RASSF10: variants seen among roughly 807,000 people sequenced by gnomAD.
RASSF10 encodes the protein ras association domain-containing protein 10.
RASSF10 carries 22 observed loss-of-function variants against 41.5 expected under a neutral mutation model. That is an observed-to-expected ratio of 0.53 (90% CI 0.38 to 0.76). The LOEUF (loss-of-function observed/expected upper bound fraction) is 0.76. Among genes scored for constraint, RASSF10 ranks in the 30% least tolerant of loss-of-function variants. The probability of loss-of-function intolerance (pLI) is 0.00; values close to 1 mark genes in which losing one functional copy is unlikely to be tolerated. For missense variants in RASSF10, 776 were observed against 711.8 expected, an observed-to-expected ratio of 1.09 and a Z score of -1.03; for synonymous variants, 364 against 319.0, an observed-to-expected ratio of 1.14 and a Z score of -1.50.
Position 13,011,050 on chromosome 11 carries a change from A to C in RASSF10, c.1474A>C (p.Met492Leu). Residue 492 changes from methionine to leucine, a missense_variant, in exon 1 of 1, where the codon ATG (methionine) becomes CTG (leucine). Transcript: ENST00000529419. ...DEDSDTGLSS[M>L]HSQDSDSLPM... The stretch of plus-strand genomic sequence containing the variant: ...AGACTCGGATACGGGACTGAGCTCT[A>C]TGCATAGCCAAGACTCGGACTCCTT... 6.3e-7 allele frequency: 1 copy of C among 1,578,678 alleles called. No homozygotes were observed. The highest frequency in any genetic ancestry group is 8.6e-7 in the Non-Finnish European group (1 of 1,163,214).
At position 13,010,267 on chromosome 11, in the gene RASSF10, C is replaced by CT; in HGVS notation, c.692dup (p.Val232GlyfsTer263). ...GGAGCGCATGGAGACGCTGGTGCAT[C>CT]TGGTGCTTTCCCAGGACCACACAAT... On this transcript the variant is annotated frameshift_variant, in exon 1 of 1. Coordinates refer to ENST00000529419, the MANE Select transcript of RASSF10 (RefSeq NM_001080521.3). LOFTEE classifies it high-confidence loss of function. The surrounding 1 kb of genome is among the most constrained non-coding windows in gnomAD (Gnocchi z 4.8). 1 of 1,565,222 alleles carries CT rather than the reference C, an allele frequency of 6.4e-7. No homozygotes were observed. The highest frequency in any genetic ancestry group is 1.4e-5 in the African/African-American group (1 of 73,654).
At position 13,011,385 on chromosome 11, in the gene RASSF10, G is replaced by C. The variant is rs971213433; in HGVS notation, c.*285G>C. On this transcript the variant is annotated 3_prime_UTR_variant, in exon 1 of 1. Coordinates refer to ENST00000529419, the MANE Select transcript of RASSF10 (RefSeq NM_001080521.3). ...GGAAAACAAACAACCCAAGGAAATT[G>C]ACGTGGTCCGAGCCCATTTTCAAAG... 17 of 345,572 alleles carry C rather than the reference G, an allele frequency of 4.9e-5. No homozygotes were observed. The highest frequency in any genetic ancestry group is 8.4e-5 in the Non-Finnish European group (16 of 189,548). The allele number at this position is 345,572 out of a possible 1,614,324, so 21.4% of individuals were successfully genotyped here. A position where few individuals can be genotyped will look rare whatever the true frequency, so the allele number is the denominator to read the frequency against.
At position 13,010,066 on chromosome 11, in the gene RASSF10, C is replaced by A. The variant is rs1258462119; in HGVS notation, c.490C>A (p.Pro164Thr). Residue 164 changes from proline (P) to threonine (T), a missense_variant, in exon 1 of 1, where the codon CCC (proline) becomes ACC (threonine). Coordinates refer to ENST00000529419, the MANE Select transcript of RASSF10 (RefSeq NM_001080521.3). The surrounding 1 kb of genome is among the most constrained non-coding windows in gnomAD (Gnocchi z 4.8). ...TCCGGCCCGCGGGGCCCCGGCGCGG[C>A]CCAGCCTGGCCATGACCCAGGAGAA... ...PCPARGAPARPSLAMTQEKQR... is the reference protein window; with the variant it reads ...PCPARGAPARTSLAMTQEKQR... The A allele has an allele frequency of 2.6e-6, 4 of 1,547,760 alleles. No individual in the cohort carries two copies. In the Admixed American group the frequency reaches 7.9e-5, roughly 30 times the overall value.
Position 13,011,402 on chromosome 11 carries a change from T to A in RASSF10, c.*302T>A. The A allele has an allele frequency of 3.3e-6, 1 of 299,708 alleles. No individual in the cohort carries two copies. The highest frequency in any genetic ancestry group is 6.2e-6 in the Non-Finnish European group (1 of 160,046). 18.6% of individuals were successfully genotyped at this position (299,708 alleles called of 1,614,324 possible). Reference sequence around the variant, plus strand: ...AGGAAATTGACGTGGTCCGAGCCCATTTTCAAAGTAAGGAAGTATAATGGA... The same window carrying A: ...AGGAAATTGACGTGGTCCGAGCCCAATTTCAAAGTAAGGAAGTATAATGGA... On this transcript the variant is annotated 3_prime_UTR_variant, in exon 1 of 1. Transcript: ENST00000529419.
In RASSF10 at chr11:13,009,464, G is replaced by A; in HGVS notation, c.-113G>A. 1 of 1,508,912 alleles carries A rather than the reference G, an allele frequency of 6.6e-7. No individual in the cohort carries two copies. The highest frequency in any genetic ancestry group is 8.8e-7 in the Non-Finnish European group (1 of 1,132,236). 93.5% of individuals were successfully genotyped at this position (1,508,912 alleles called of 1,614,324 possible). ...GCGGGGGAACAGGGCTAGTGCAGCC[G>A]CCGGAGGGGGGCACGGGCTCCTCTC... On this transcript the variant is annotated 5_prime_UTR_variant, in exon 1 of 1. Coordinates refer to ENST00000529419, the MANE Select transcript of RASSF10 (RefSeq NM_001080521.3).
rs1949555745 is a variant in RASSF10 at position 13,009,532 on chromosome 11, C to T, written c.-45C>T. On this transcript the variant is annotated 5_prime_UTR_variant, in exon 1 of 1. Coordinates refer to ENST00000529419, the MANE Select transcript of RASSF10 (RefSeq NM_001080521.3). ...GGCTGCCCTTGCTGTCCTCGCCGCC[C>T]CAGCAGACCCCGGCCGGACCTGCCA... The T allele has an allele frequency of 1.3e-6, 2 of 1,583,952 alleles. No homozygotes were observed. The highest frequency in any genetic ancestry group is 2.7e-5 in the African/African-American group (2 of 74,258).
Position 13,010,406 on chromosome 11 carries a change from A to G in RASSF10, c.830A>G (p.Tyr277Cys). Reference sequence around the variant, plus strand: ...GGGGTCAACTACGTGCAGGACACTTACTTGGTTGGGGCAGGCATCGAGCTC... The same window carrying G: ...GGGGTCAACTACGTGCAGGACACTTGCTTGGTTGGGGCAGGCATCGAGCTC... ...RHGVNYVQDT[Y>C]LVGAGIELDG... The change falls in exon 1 of 1, where the codon TAC becomes TGC. Residue 277 changes from tyrosine (Y) to cysteine (C), a missense_variant. Transcript: ENST00000529419. This position sits in a 1 kb window ranked among gnomAD's most constrained non-coding sequence, Gnocchi z 4.8. The G allele has an allele frequency of 6.5e-7, 1 of 1,549,512 alleles. No individual in the cohort carries two copies. Among genetic ancestry groups the G allele is most frequent in the Non-Finnish European group, 8.7e-7 (1 of 1,145,666 alleles).
At position 13,010,500 on chromosome 11, in the gene RASSF10, C is replaced by T. The variant is rs1949569299; in HGVS notation, c.924C>T (p.Pro308=). 1 of 1,511,034 alleles carries T rather than the reference C, an allele frequency of 6.6e-7. No individual in the cohort carries two copies. Among genetic ancestry groups the T allele is most frequent in the Admixed American group, 2.2e-5 (1 of 44,730 alleles). The allele number at this position is 1,511,034 out of a possible 1,614,324, so 93.6% of individuals were successfully genotyped here. ...AAEAEEAAAA[P]PLAGEAQAAA... is the part of the protein sequence containing the mutation. ...AGGCGGAGGAGGCGGCGGCGGCGCC[C>T]CCTCTAGCCGGCGAGGCGCAGGCGG... Residue 308 remains proline, a synonymous_variant, in exon 1 of 1, where the codon CCC becomes CCT. Coordinates refer to ENST00000529419, the MANE Select transcript of RASSF10 (RefSeq NM_001080521.3). The surrounding 1 kb of genome is among the most constrained non-coding windows in gnomAD (Gnocchi z 4.8).
In RASSF10 at chr11:13,010,416, G is replaced by A. The variant is rs1440275107; in HGVS notation, c.840G>A (p.Gly280=). 8 of 1,547,812 alleles carry A rather than the reference G, an allele frequency of 5.2e-6. No individual in the cohort carries two copies. The highest frequency in any genetic ancestry group is 7.0e-6 in the Non-Finnish European group (8 of 1,144,352). ...ACGTGCAGGACACTTACTTGGTTGG[G>A]GCAGGCATCGAGCTCGACGGGTCCA... ...VNYVQDTYLV[G]AGIELDGSRP... is the part of the protein sequence containing the mutation. Residue 280 remains glycine (G), a synonymous_variant, in exon 1 of 1, where the codon GGG becomes GGA. Transcript: ENST00000529419. This position sits in a 1 kb window ranked among gnomAD's most constrained non-coding sequence, Gnocchi z 4.8.
At position 13,010,621 on chromosome 11, in the gene RASSF10, G is replaced by T; in HGVS notation, c.1045G>T (p.Glu349Ter). Residue 349 changes from glutamate to a stop codon, truncating the protein, a stop_gained, in exon 1 of 1, where the codon GAG (glutamate) becomes TAG (stop). Transcript: ENST00000529419. LOFTEE classifies it high-confidence loss of function. This position sits in a 1 kb window ranked among gnomAD's most constrained non-coding sequence, Gnocchi z 4.8. ...GGAGTTGCTGGAGCGCCTTTCAGCCGAGATTCAGGAGGAACTCAACCAGAG... is the reference window on the plus strand; with the variant it reads ...GGAGTTGCTGGAGCGCCTTTCAGCCTAGATTCAGGAGGAACTCAACCAGAG... Reference protein sequence around the residue: ...QEELLERLSAEIQEELNQRWM... With the variant: ...QEELLERLSA 6.3e-7 allele frequency: 1 copy of T among 1,588,962 alleles called. No homozygotes were observed. The highest frequency in any genetic ancestry group is 8.6e-7 in the Non-Finnish European group (1 of 1,168,558).
In RASSF10 at chr11:13,009,777, C is replaced by G. The variant is rs1179594707; in HGVS notation, c.201C>G (p.Pro67=). Residue 67 remains proline (P), a synonymous_variant, in exon 1 of 1, where the codon CCC becomes CCG. Coordinates refer to ENST00000529419, the MANE Select transcript of RASSF10 (RefSeq NM_001080521.3). Reference sequence around the variant, plus strand: ...ATGGCCCGGGAGAGCTGCCCGAACCCCCGAACGAGGACGACGAGGACGACG... The same window carrying G: ...ATGGCCCGGGAGAGCTGCCCGAACCGCCGAACGAGGACGACGAGGACGACG... ...DPHGPGELPE[P]PNEDDEDDDE... 6.2e-7 allele frequency: 1 copy of G among 1,603,982 alleles called. No homozygotes were observed. The highest frequency in any genetic ancestry group is 1.7e-4 in the Middle Eastern group (1 of 6,042).
At position 13,011,521 on chromosome 11, in the gene RASSF10, G is replaced by T. The variant is rs962778621; in HGVS notation, c.*421G>T. Reference sequence around the variant, plus strand: ...TTTAAAAGAAACACTTGGATGAAAAGGAAATTCCTTGAATGTTAATTGTGA... The same window carrying T: ...TTTAAAAGAAACACTTGGATGAAAATGAAATTCCTTGAATGTTAATTGTGA... On this transcript the variant is annotated 3_prime_UTR_variant, in exon 1 of 1. Transcript: ENST00000529419. The T allele has an allele frequency of 6.3e-6, 1 of 159,428 alleles. No homozygotes were observed. The highest frequency in any genetic ancestry group is 1.4e-5 in the Non-Finnish European group (1 of 72,396). The allele number at this position is 159,428 out of a possible 1,614,324, so 9.9% of individuals were successfully genotyped here. A position where few individuals can be genotyped will look rare whatever the true frequency, so the allele number is the denominator to read the frequency against.
Position 13,010,250 on chromosome 11 carries a change from T to C in RASSF10, c.674T>C (p.Met225Thr). 1 of 1,576,036 alleles carries C rather than the reference T, an allele frequency of 6.3e-7. No individual in the cohort carries two copies. Among genetic ancestry groups the C allele is most frequent in the Non-Finnish European group, 8.6e-7 (1 of 1,161,600 alleles). Residue 225 changes from methionine to threonine, a missense_variant, in exon 1 of 1, where the codon ATG becomes ACG. Transcript: ENST00000529419. This position sits in a 1 kb window ranked among gnomAD's most constrained non-coding sequence, Gnocchi z 4.8. Reference protein sequence around the residue: ...RTHESASVERMETLVHLVLSQ... With the variant: ...RTHESASVERTETLVHLVLSQ... Reference sequence around the variant, plus strand: ...CACGAGAGCGCGTCGGTGGAGCGCATGGAGACGCTGGTGCATCTGGTGCTT... The same window carrying C: ...CACGAGAGCGCGTCGGTGGAGCGCACGGAGACGCTGGTGCATCTGGTGCTT...
Position 13,010,471 on chromosome 11 carries a change from G to A in RASSF10, c.895G>A (p.Ala299Thr), listed in dbSNP as rs1326295101. Residue 299 changes from alanine (A) to threonine (T), a missense_variant, in exon 1 of 1, where the codon GCG (alanine) becomes ACG (threonine). Physicochemically the swap from Ala to Thr is moderately conservative, Grantham distance 58. Coordinates refer to ENST00000529419, the MANE Select transcript of RASSF10 (RefSeq NM_001080521.3). The surrounding 1 kb of genome is among the most constrained non-coding windows in gnomAD (Gnocchi z 4.8). The part of the protein sequence containing the change: ...RPGEEPEEVA[A>T]EAEEAAAAPP... Reference sequence around the variant, plus strand: ...GGGAGAGGAGCCAGAAGAGGTGGCGGCGGAGGCGGAGGAGGCGGCGGCGGC... The same window carrying A: ...GGGAGAGGAGCCAGAAGAGGTGGCGACGGAGGCGGAGGAGGCGGCGGCGGC... The A allele has an allele frequency of 6.6e-7, 1 of 1,523,920 alleles. No individual in the cohort carries two copies. Among genetic ancestry groups the A allele is most frequent in the Non-Finnish European group, 8.8e-7 (1 of 1,134,448 alleles). 94.4% of individuals were successfully genotyped at this position (1,523,920 alleles called of 1,614,324 possible).
In RASSF10 at chr11:13,009,400, C is replaced by T; in HGVS notation, c.-177C>T. On this transcript the variant is annotated 5_prime_UTR_variant, in exon 1 of 1. Transcript: ENST00000529419. The stretch of plus-strand genomic sequence containing the variant: ...GGCAGAGCGCAGCCGCAACCGCGAC[C>T]ACAGCCGCAGTCGCTTTCCAGCCTG... The T allele has an allele frequency of 7.0e-7, 1 of 1,421,814 alleles. No individual in the cohort carries two copies. The highest frequency in any genetic ancestry group is 9.5e-7 in the Non-Finnish European group (1 of 1,056,484). 88.1% of individuals were successfully genotyped at this position (1,421,814 alleles called of 1,614,324 possible).
rs1949556230 is a variant in RASSF10 at position 13,009,571 on chromosome 11, TGC to T, written c.-3_-2del. ...CCGGACCTGCCACCTGCGCCCTGGT[TGC>T]GCCATGGATCCTTCGGAAAAGAAGA... is the stretch of plus-strand genomic sequence containing the variant. On this transcript the variant is annotated 5_prime_UTR_variant, in exon 1 of 1. Transcript: ENST00000529419. 1 of 1,604,040 alleles carries T rather than the reference TGC, an allele frequency of 6.2e-7. No individual in the cohort carries two copies. The highest frequency in any genetic ancestry group is 1.1e-5 in the South Asian group (1 of 90,560).
chr11:13,009,353 C>G lies in RASSF10; in HGVS notation c.-224C>G, dbSNP rs779000890. 1 of 1,070,436 alleles carries G rather than the reference C, an allele frequency of 9.3e-7. No individual in the cohort carries two copies. Among genetic ancestry groups the G allele is most frequent in the Non-Finnish European group, 1.4e-6 (1 of 725,854 alleles). The allele number at this position is 1,070,436 out of a possible 1,614,324, so 66.3% of individuals were successfully genotyped here. ...GCGGGAGCCGGTCCTGGGCGCGTTG[C>G]CCCGGGAGCGCCCGTCGTCCGGGCA... On this transcript the variant is annotated 5_prime_UTR_variant, in exon 1 of 1. Coordinates refer to ENST00000529419, the MANE Select transcript of RASSF10 (RefSeq NM_001080521.3).
chr11:13,010,421 G>A lies in RASSF10; in HGVS notation c.845G>A (p.Gly282Asp), dbSNP rs1208898469. 1 of 1,547,154 alleles carries A rather than the reference G, an allele frequency of 6.5e-7. No individual in the cohort carries two copies. Among genetic ancestry groups the A allele is most frequent in the Non-Finnish European group, 8.7e-7 (1 of 1,143,956 alleles). The change falls in exon 1 of 1, where the codon GGC becomes GAC. Residue 282 changes from glycine (G) to aspartate (D), a missense_variant. Physicochemically the swap from Gly to Asp is moderately conservative, Grantham distance 94. Coordinates refer to ENST00000529419, the MANE Select transcript of RASSF10 (RefSeq NM_001080521.3). The surrounding 1 kb of genome is among the most constrained non-coding windows in gnomAD (Gnocchi z 4.8). ...YVQDTYLVGA[G>D]IELDGSRPGE... is the part of the protein sequence containing the mutation. ...CAGGACACTTACTTGGTTGGGGCAGGCATCGAGCTCGACGGGTCCAGACCG... is the reference window on the plus strand; with the variant it reads ...CAGGACACTTACTTGGTTGGGGCAGACATCGAGCTCGACGGGTCCAGACCG...
Position 13,011,421 on chromosome 11 carries a change from T to G in RASSF10, c.*321T>G. The G allele has an allele frequency of 3.9e-6, 1 of 256,912 alleles. No individual in the cohort carries two copies. Among genetic ancestry groups the G allele is most frequent in the Middle Eastern group, 1.3e-3 (1 of 788 alleles). 15.9% of individuals were successfully genotyped at this position (256,912 alleles called of 1,614,324 possible). ...AGCCCATTTTCAAAGTAAGGAAGTA[T>G]AATGGAGATTTCGCTACTCTTCTGT... On this transcript the variant is annotated 3_prime_UTR_variant, in exon 1 of 1. Coordinates refer to ENST00000529419, the MANE Select transcript of RASSF10 (RefSeq NM_001080521.3).
Sources: allele counts gnomAD v4.1 joint callset, GRCh38; gene constraint gnomAD v4.1.1; non-coding constraint Gnocchi (gnomAD v3.1); transcripts MANE v1.5; gene names NCBI Gene and HGNC (gene_info 2026-07-23, HGNC 2026-07-21).